KCNIP4: variants seen among roughly 807,000 people sequenced by gnomAD.
KCNIP4 encodes the protein potassium voltage-gated channel interacting protein 4, also known as Kv channel-interacting protein 4.
KCNIP4 carries 12 observed loss-of-function variants against 34.0 expected under a neutral mutation model. The ratio of observed to expected loss-of-function variants is 0.35; its 90% CI spans 0.23 to 0.57. The LOEUF is 0.57. KCNIP4 is among the 20% of genes least tolerant of loss of function. The pLI, the probability that KCNIP4 is intolerant of heterozygous loss-of-function variation, is 0.83. For missense variants in KCNIP4, 238 were observed against 311.7 expected (o/e 0.76, Z 1.78); for synonymous variants, 124 against 102.2 (o/e 1.21, Z -1.29).
At chr4:21,269,281 G>A (rs1761997187) in intron 1 of KCNIP4, among the ~76,000 whole-genome samples, 1 of 152,232 alleles carries the variant, frequency 6.6e-6, no homozygotes, top group Non-Finnish European at 1.5e-5. Flanking sequence ...CTAATAGACA[G>A]AGTTTGCCTA....
intron 1 of KCNIP4, among the ~76,000 whole-genome samples, chr4:21,329,094 A>G (rs190188301): frequency 2.2e-4 from 34 of 152,384 alleles, no homozygotes; most frequent in Non-Finnish European, 8.8e-5. Flanking sequence ...GTCTTGCAAA[A>G]GCAAAAAATA....
intron 1 of KCNIP4, among the ~76,000 whole-genome samples, chr4:21,628,136 T>C (rs933256489): frequency 6.6e-6 from 1 of 152,186 alleles, no homozygotes; most frequent in Non-Finnish European, 1.5e-5. Context: ...AAATTCATTA[T>C]AGAATTCATG....
At chr4:21,148,626 G>A (rs144734313) in intron 1 of KCNIP4, among the ~76,000 whole-genome samples, 2 of 150,908 alleles carry the variant, frequency 1.3e-5, no homozygotes, top group East Asian at 3.9e-4. Context: ...TCCTGTATCA[G>A]TTCAAAAAAT....
chr4:20,861,224 G>A (rs954276741), intron 2 of KCNIP4, among the ~76,000 whole-genome samples: 5 of 152,152 alleles, frequency 3.3e-5, no homozygotes, highest in African/African-American at 1.2e-4. Context: ...GCCAGGCCCT[G>A]TAAGCAACTC....
intron 1 of KCNIP4, among the ~76,000 whole-genome samples, chr4:21,247,156 C>G (rs1357350461): frequency 6.6e-6 from 1 of 152,040 alleles, no homozygotes; most frequent in African/African-American, 2.4e-5. Flanking sequence ...TTGTAGAGTA[C>G]CTAATCCAAC....
chr4:21,633,312 T>G (rs1745893196), intron 1 of KCNIP4, among the ~76,000 whole-genome samples: 1 of 152,164 alleles, frequency 6.6e-6, no homozygotes, highest in Non-Finnish European at 1.5e-5. Flanking sequence ...AGTTGAGCTG[T>G]ATTTCCCAGT....
intron 1 of KCNIP4, among the ~76,000 whole-genome samples, chr4:20,926,979 C>A (rs1560575727): frequency 6.6e-6 from 1 of 152,036 alleles, no homozygotes; most frequent in African/African-American, 2.4e-5. Context: ...TTCTTTCTTT[C>A]TGTTCTTTTT....
intron 1 of KCNIP4, among the ~76,000 whole-genome samples, chr4:21,603,768 T>A (rs888731931): frequency 1.3e-5 from 2 of 152,056 alleles, no homozygotes; most frequent in East Asian, 1.9e-4. Flanking sequence ...CAATCCCAGA[T>A]GAAAAATCAC....
At chr4:21,832,184 T>C (rs1490624464) in intron 1 of KCNIP4, among the ~76,000 whole-genome samples, 1 of 152,138 alleles carries the variant, frequency 6.6e-6, no homozygotes, top group African/African-American at 2.4e-5. Context: ...TTTGACGAAA[T>C]TCAACATCCT....
Position 21,177,918 on chromosome 4 carries a change from C to T in KCNIP4, c.62-295209G>A, listed in dbSNP as rs139245648. 2.9e-3 allele frequency among the ~76,000 whole-genome samples: 437 copies of T among 149,880 alleles called. 5 individuals carry two copies. The highest frequency in any genetic ancestry group is 9.9e-3 in the African/African-American group (402 of 40,484). The stretch of plus-strand genomic sequence containing the variant: ...AAAAGAAAAATTTAAACAAAGTTTG[C>T]AATAATTTATCCCCCATGTTTTACA... On this transcript the variant is annotated intron_variant, in intron 1 of 8. Transcript: ENST00000382152.
Position 21,152,825 on chromosome 4 carries a change from C to T in KCNIP4, c.62-270116G>A, listed in dbSNP as rs904669778. On this transcript the variant is annotated intron_variant, in intron 1 of 8. Transcript: ENST00000382152. ...CAAGAGCGAAGCCTATTGTGAACTACGCATGCGTGGGATCTATGTTGGGTA... is the reference window on the plus strand; with the variant it reads ...CAAGAGCGAAGCCTATTGTGAACTATGCATGCGTGGGATCTATGTTGGGTA... Among the ~76,000 whole-genome samples the T allele has an allele frequency of 1.6e-4, 24 of 152,280 alleles. No individual in the cohort carries two copies. In the South Asian group the frequency reaches 1.7e-3, roughly 11 times the overall value.
chr4:21,604,432 G>A (rs1743470618), intron 1 of KCNIP4, among the ~76,000 whole-genome samples: 1 of 152,056 alleles, frequency 6.6e-6, no homozygotes, highest in Admixed American at 6.6e-5. Flanking sequence ...TTTTACCTAG[G>A]GTTGTGTGAT....
chr4:20,959,649 T>C (rs1329223634), intron 1 of KCNIP4, among the ~76,000 whole-genome samples: 1 of 152,238 alleles, frequency 6.6e-6, no homozygotes, highest in Non-Finnish European at 1.5e-5. Context: ...AGTTGCTCTA[T>C]CTTTTGTTTT....
chr4:21,395,150 T>C (rs1191207000), intron 1 of KCNIP4, among the ~76,000 whole-genome samples: 1 of 152,186 alleles, frequency 6.6e-6, no homozygotes, highest in African/African-American at 2.4e-5. Context: ...AGAAATCTTC[T>C]TAAAACTTCT....
chr4:21,845,443 C>A (rs1049104508), intron 1 of KCNIP4: 2 of 152,050 alleles, frequency 1.3e-5, no homozygotes, highest in Admixed American at 1.3e-4. Flanking sequence ...AGTATACAGG[C>A]CTTACAAGAA....
At chr4:21,900,837 A>C (rs1195517916) in intron 1 of KCNIP4, among the ~76,000 whole-genome samples, 1 of 152,198 alleles carries the variant, frequency 6.6e-6, no homozygotes, top group Non-Finnish European at 1.5e-5. Context: ...TTCAAAATAT[A>C]CTGAGTTTTC....
chr4:21,909,898 T>C (rs930418409), intron 1 of KCNIP4, among the ~76,000 whole-genome samples: 5 of 152,020 alleles, frequency 3.3e-5, no homozygotes, highest in African/African-American at 1.2e-4. Flanking sequence ...ACAAGGATAG[T>C]ATGGGGGAAA....
rs191246605 is a variant in KCNIP4, at chr4:21,281,873, G to A, written c.62-399164C>T. 1.2e-3 allele frequency among the ~76,000 whole-genome samples: 180 copies of A among 152,292 alleles called. 1 individual carries two copies. The highest frequency in any genetic ancestry group is 1.9e-4 in the Non-Finnish European group (13 of 68,022). Reference sequence around the variant, plus strand: ...AGCCATGAGCTTTTCATCACCGGCTGCAAACCTGCAATTTTCTTGGTGAAG... The same window carrying A: ...AGCCATGAGCTTTTCATCACCGGCTACAAACCTGCAATTTTCTTGGTGAAG... On this transcript the variant is annotated intron_variant, in intron 1 of 8. Coordinates refer to ENST00000382152, the MANE Select transcript of KCNIP4 (RefSeq NM_025221.6).
At chr4:21,334,118 G>A (rs1328919443) in intron 1 of KCNIP4, among the ~76,000 whole-genome samples, 2 of 152,168 alleles carry the variant, frequency 1.3e-5, no homozygotes, top group Non-Finnish European at 1.5e-5. Flanking sequence ...CTAACTGGCA[G>A]GCAGTGGCAT....
Sources: allele counts gnomAD v4.1 joint callset (sites outside exome capture counted in the v4.1 genomes callset), GRCh38; gene constraint gnomAD v4.1.1; transcripts MANE v1.5; gene names NCBI Gene and HGNC (gene_info 2026-07-23, HGNC 2026-07-21).